Variants in TRIM46 observed in about 807,000 individuals in gnomAD.
The protein encoded by TRIM46 is tripartite motif-containing protein 46.
In TRIM46, 17 loss-of-function variants were observed where a neutral mutation model predicts 69.7. The ratio of observed to expected loss-of-function variants is 0.24; its 90% confidence interval spans 0.17 to 0.37. The LOEUF (loss-of-function observed/expected upper bound fraction) is 0.37, where lower values mean the gene tolerates loss of function less well. Ranked by LOEUF, TRIM46 falls within the 10% of genes least tolerant of loss-of-function variation. The pLI is 1.00. For missense variants in TRIM46, 675 were observed against 1,025.1 expected (o/e 0.66, Z 4.66); for synonymous variants, 391 against 429.0 (o/e 0.91, Z 1.09).
At chr1:155,174,112 A>G (rs1665409236) in intron 1 of TRIM46, 83 bp downstream of exon 1, 1 of 1,454,194 alleles carries the variant, frequency 6.9e-7, no homozygotes, top group Non-Finnish European at 9.4e-7. Flanking sequence ...GTGGGGATCC[A>G]GGAAGATGCT....
rs767836307 is a variant in TRIM46 at position 155,175,550 on chromosome 1, G to A, written c.228G>A (p.Glu76=). 13 of 1,613,668 alleles carry A rather than the reference G, an allele frequency of 8.1e-6. No individual in the cohort carries two copies. The East Asian group carries it at 2.2e-4, about 28-fold the overall frequency. The change falls in exon 2 of 10, where the codon GAG becomes GAA. Residue 76 remains glutamate, a synonymous_variant. Transcript: ENST00000334634. The surrounding 1 kb of genome is among the most constrained non-coding windows in gnomAD (Gnocchi z 4.2). The part of the protein sequence containing the change: ...YIGHGGDPSS[E]PTSPASTPST... ...GACATGGTGGGGACCCCAGCTCCGA[G>A]CCCACCTCTCCTGCCTCCACCCCTT...
chr1:155,175,028 T>C lies in TRIM46; in HGVS notation c.64-358T>C, dbSNP rs949142476. 1.5e-6 allele frequency: 2 copies of C among 1,363,852 alleles called. No individual in the cohort carries two copies. Among genetic ancestry groups the C allele is most frequent in the Non-Finnish European group, 9.4e-7 (1 of 1,065,860 alleles). The allele number at this position is 1,363,852 out of a possible 1,614,324, so 84.5% of individuals were successfully genotyped here. A position where few individuals can be genotyped will look rare whatever the true frequency, so the allele number is the denominator to read the frequency against. On this transcript the variant is annotated intron_variant, in intron 1 of 9. Coordinates refer to ENST00000334634, the MANE Select transcript of TRIM46 (RefSeq NM_025058.5). This position sits in a 1 kb window ranked among gnomAD's most constrained non-coding sequence, Gnocchi z 4.2. ...CTGCATGGAGCTGCAGAATGGGCGG[T>C]GTCCTTGAGAAAAATGCCAGGGGCA...
chr1:155,178,573 A>G lies in TRIM46; in HGVS notation c.1245A>G (p.Gly415=). Reference sequence around the variant, plus strand: ...TCCGCCATTGCCAGCTCGACGTGGGACGTGAGATGAAGCTGCTGACAGAGC... The same window carrying G: ...TCCGCCATTGCCAGCTCGACGTGGGGCGTGAGATGAAGCTGCTGACAGAGC... ...SSFRHCQLDV[G]REMKLLTELN... The change falls in exon 7 of 10, where the codon GGA becomes GGG. Residue 415 remains glycine (G), a synonymous_variant. Transcript: ENST00000334634. The G allele has an allele frequency of 6.2e-7, 1 of 1,614,002 alleles. No homozygotes were observed. The highest frequency in any genetic ancestry group is 1.1e-5 in the South Asian group (1 of 91,086).
rs1666395237 is a variant in TRIM46 at position 155,184,384 on chromosome 1, G to A, written c.*194G>A. Reference sequence around the variant, plus strand: ...CTCTCTTCTGCCCACCTCTCTGGATGGCCCCCGTTCTCTCCATTGCTTGTT... The same window carrying A: ...CTCTCTTCTGCCCACCTCTCTGGATAGCCCCCGTTCTCTCCATTGCTTGTT... On this transcript the variant is annotated 3_prime_UTR_variant, in exon 10 of 10. Transcript: ENST00000334634. This position sits in a 1 kb window ranked among gnomAD's most constrained non-coding sequence, Gnocchi z 5.6. The A allele has an allele frequency of 3.1e-6, 2 of 646,916 alleles. No individual in the cohort carries two copies. Among genetic ancestry groups the A allele is most frequent in the African/African-American group, 1.8e-5 (1 of 54,732 alleles). The allele number at this position is 646,916 out of a possible 1,614,324, so 40.1% of individuals were successfully genotyped here. A position where few individuals can be genotyped will look rare whatever the true frequency, so the allele number is the denominator to read the frequency against.
rs1665835304 is a variant in TRIM46 at position 155,178,151 on chromosome 1, C to G, written c.1059C>G (p.His353Gln). ...GTCTCAGCGCCCAGATCCAGGAGCA[C>G]CGGAGCCTGCTGGATGGCTCAGGTC... ...LARLSAQIQE[H>Q]RSLLDGSGLV... Residue 353 changes from histidine to glutamine, a missense_variant, in exon 6 of 10, where the codon CAC (histidine) becomes CAG (glutamine). By Grantham distance (24) the His-to-Gln change is conservative. Transcript: ENST00000334634. The G allele has an allele frequency of 6.2e-7, 1 of 1,614,150 alleles. No homozygotes were observed. Among genetic ancestry groups the G allele is most frequent in the Non-Finnish European group, 8.5e-7 (1 of 1,180,000 alleles).
At position 155,177,979 on chromosome 1, in the gene TRIM46, T is replaced by C. The variant is rs1665817603; in HGVS notation, c.910-23T>C. The C allele has an allele frequency of 2.5e-6, 4 of 1,608,788 alleles. 1 individual carries two copies. The highest frequency in any genetic ancestry group is 3.3e-5 in the Admixed American group (2 of 59,840). ...AAAGAAGATAGTAAGTCACGCATCC[T>C]TTGGGTGTTGCTCCCTGGGCAGGTG... is the stretch of plus-strand genomic sequence containing the variant. On this transcript the variant is annotated intron_variant, in intron 5 of 9. Transcript: ENST00000334634.
intron 6 of TRIM46, 36 bp from the exon 7 acceptor site, chr1:155,178,456 A>G: frequency 1.9e-6 from 3 of 1,612,462 alleles, no homozygotes; most frequent in Non-Finnish European, 2.5e-6. Context: ...GACTGCCCAC[A>G]TGGCAGTGCC....
chr1:155,174,953 A>G, intron 1 of TRIM46: 1 of 1,387,396 alleles, frequency 7.2e-7, no homozygotes, highest in Non-Finnish European at 9.3e-7. Context: ...TCGCCTGGCT[A>G]TCGGGAGGAA....
rs1430594258 is a variant in TRIM46, at chr1:155,184,131, C to A, written c.2221C>A (p.Pro741Thr). The change falls in exon 10 of 10, where the codon CCA (proline) becomes ACA (threonine). Residue 741 changes from proline (P) to threonine (T), a missense_variant. Physicochemically the swap from Pro to Thr is conservative, Grantham distance 38. Transcript: ENST00000334634. The surrounding 1 kb of genome is among the most constrained non-coding windows in gnomAD (Gnocchi z 5.6). ...GGGTGGCGCAGTACAGCTCCAGGAG[C>A]CAGTGGGCACTAAGCCTGAGAGGAA... ...IGGGAVQLQE[P>T]VGTKPERKVT... 6.2e-7 allele frequency: 1 copy of A among 1,613,832 alleles called. No individual in the cohort carries two copies. Among genetic ancestry groups the A allele is most frequent in the Admixed American group, 1.7e-5 (1 of 60,016 alleles).
intron 8 of TRIM46, 33 bp downstream of exon 8, chr1:155,179,967 G>T: frequency 1.3e-6 from 2 of 1,548,508 alleles, no homozygotes; most frequent in Non-Finnish European, 1.7e-6. Flanking sequence ...TCGTGCAAAG[G>T]GCATGGGGTA....
In TRIM46 at chr1:155,181,959, G is replaced by A; in HGVS notation, c.1696G>A (p.Ala566Thr). 1 of 1,614,050 alleles carries A rather than the reference G, an allele frequency of 6.2e-7. No homozygotes were observed. The highest frequency in any genetic ancestry group is 8.5e-7 in the Non-Finnish European group (1 of 1,179,998). Residue 566 changes from alanine (A) to threonine (T), a missense_variant, in exon 9 of 10, where the codon GCT (alanine) becomes ACT (threonine). Ala to Thr is a moderately conservative substitution (Grantham distance 58). Transcript: ENST00000334634. The surrounding 1 kb of genome is among the most constrained non-coding windows in gnomAD (Gnocchi z 4.3). ...TGTTCCAGGGCTGCCCCTGCTGCTGGCTGCTGACCGGCTGCTGACCGGCTG... is the reference window on the plus strand; with the variant it reads ...TGTTCCAGGGCTGCCCCTGCTGCTGACTGCTGACCGGCTGCTGACCGGCTG... Reference protein sequence around the residue: ...RSVPGLPLLLAADRLLTGCHL... With the variant: ...RSVPGLPLLLTADRLLTGCHL...
At chr1:155,174,737 C>T (rs765090850) in intron 1 of TRIM46, 34 of 1,454,390 alleles carry the variant, frequency 2.3e-5, no homozygotes, top group Non-Finnish European at 3.0e-5. Flanking sequence ...GTAGGCGGGG[C>T]TCTTGATTCC....
At position 155,181,761 on chromosome 1, in the gene TRIM46, A is replaced by G. The variant is rs2147795073; in HGVS notation, c.1589-91A>G. 2 of 1,425,788 alleles carry G rather than the reference A, an allele frequency of 1.4e-6. No individual in the cohort carries two copies. Among genetic ancestry groups the G allele is most frequent in the Non-Finnish European group, 1.9e-6 (2 of 1,048,312 alleles). 88.3% of individuals were successfully genotyped at this position (1,425,788 alleles called of 1,614,324 possible). A position where few individuals can be genotyped will look rare whatever the true frequency, so the allele number is the denominator to read the frequency against. ...TTCCTGGTGACTGAACCCCCTTGCA[A>G]CGCGTTCCCTGTTCTGCAGTCTCAC... On this transcript the variant is annotated intron_variant, in intron 8 of 9. Coordinates refer to ENST00000334634, the MANE Select transcript of TRIM46 (RefSeq NM_025058.5). This position sits in a 1 kb window ranked among gnomAD's most constrained non-coding sequence, Gnocchi z 4.3.
Position 155,178,229 on chromosome 1 carries a change from G to A in TRIM46, c.1137G>A (p.Val379=). 6.2e-7 allele frequency: 1 copy of A among 1,606,378 alleles called. No individual in the cohort carries two copies. The highest frequency in any genetic ancestry group is 8.5e-7 in the Non-Finnish European group (1 of 1,174,206). The change falls in exon 6 of 10, where the codon GTG becomes GTA. Residue 379 remains valine (V), a synonymous_variant. Coordinates refer to ENST00000334634, the MANE Select transcript of TRIM46 (RefSeq NM_025058.5). ...AGGAAACAGACCAGCCTTGCTTTGT[G>A]CAAGCCGCCAAGCAGCTGCACAACA... is the stretch of plus-strand genomic sequence containing the variant. ...VLKETDQPCF[V]QAAKQLHNRI...
intron 8 of TRIM46, 25 bp downstream of exon 8, chr1:155,179,959 G>A (rs769350440): frequency 2.7e-5 from 42 of 1,555,288 alleles, no homozygotes; most frequent in South Asian, 1.5e-4. Flanking sequence ...ACAGGTGGTC[G>A]TGCAAAGGGC....
intron 1 of TRIM46, chr1:155,174,745 TC>T: frequency 6.9e-7 from 1 of 1,454,112 alleles, no homozygotes; most frequent in Non-Finnish European, 9.0e-7. Context: ...GGCTCTTGAT[TC>T]CCCCGCTAGT....
chr1:155,174,181 A>G (rs1240510536), intron 1 of TRIM46, 152 bp downstream of exon 1: 1 of 914,988 alleles, frequency 1.1e-6, no homozygotes, highest in Non-Finnish European at 1.7e-6. Context: ...GGATGCAGGT[A>G]TGAGAGGGTA....
At chr1:155,180,370 G>T in intron 8 of TRIM46, 1 of 332,364 alleles carries the variant, frequency 3.0e-6, no homozygotes, top group Non-Finnish European at 5.4e-6. Flanking sequence ...GCCGAGGCGG[G>T]CGGATCACAA....
At chr1:155,174,207 C>T (rs1356704286) in intron 1 of TRIM46, among the ~76,000 whole-genome samples, 178 bp downstream of exon 1, 1 of 151,982 alleles carries the variant, frequency 6.6e-6, no homozygotes, top group Admixed American at 6.6e-5. Context: ...GGGAGCAGCC[C>T]GGAGGTGAGT....
Sources: allele counts gnomAD v4.1 joint callset (sites outside exome capture counted in the v4.1 genomes callset), GRCh38; gene constraint gnomAD v4.1.1; non-coding constraint Gnocchi (gnomAD v3.1); transcripts MANE v1.5; gene names NCBI Gene and HGNC (gene_info 2026-07-23, HGNC 2026-07-21).